ECPAS: variants seen among roughly 807,000 people sequenced by gnomAD.
ECPAS encodes Ecm29 proteasome adaptor and scaffold.
Under a neutral mutation model 255.1 loss-of-function variants are expected in ECPAS, and 70 were observed. The observed-to-expected ratio is 0.27, with a 90% CI of 0.23 to 0.33. The LOEUF (loss-of-function observed/expected upper bound fraction) is 0.33, where lower values mean the gene tolerates loss of function less well. Among genes scored for constraint, ECPAS ranks in the 10% least tolerant of loss-of-function variants. The probability of loss-of-function intolerance (pLI) is 1.00; values close to 1 mark genes in which losing one functional copy is unlikely to be tolerated. For missense variants in ECPAS, 1,817 were observed against 2,206.4 expected (o/e 0.82, Z 3.54); for synonymous variants, 784 against 775.0 (o/e 1.01, Z -0.19).
intron 2 of ECPAS, among the ~76,000 whole-genome samples, chr9:111,455,434 A>G (rs2098265672): frequency 6.6e-6 from 1 of 152,350 alleles, no homozygotes. Flanking sequence ...CAGTGAGCAG[A>G]TATCGTGCCA....
At chr9:111,384,469 G>T in intron 34 of ECPAS, 53 bp downstream of exon 34, 3 of 1,489,428 alleles carry the variant, frequency 2.0e-6, no homozygotes, top group Non-Finnish European at 1.9e-6. Flanking sequence ...TCATTGTCAT[G>T]GTCACCCAGA....
intron 3 of ECPAS, among the ~76,000 whole-genome samples, chr9:111,446,728 G>A (rs916634545): frequency 6.6e-6 from 1 of 152,160 alleles, no homozygotes; most frequent in Non-Finnish European, 1.5e-5. Context: ...TTACAGATGA[G>A]GAAGCAGAAG....
intron 3 of ECPAS, among the ~76,000 whole-genome samples, chr9:111,450,411 A>T (rs573022843): frequency 1.3e-5 from 2 of 152,284 alleles, no homozygotes; most frequent in African/African-American, 4.8e-5. Flanking sequence ...ATAAACATAA[A>T]AGACATTCCT....
At chr9:111,383,483 C>T (rs1470092178) in intron 34 of ECPAS, among the ~76,000 whole-genome samples, 151 bp from the exon 35 acceptor site, 1 of 152,160 alleles carries the variant, frequency 6.6e-6, no homozygotes, top group African/African-American at 2.4e-5. Context: ...GGAATGAGAT[C>T]GGAGATTGAG....
intron 2 of ECPAS, among the ~76,000 whole-genome samples, chr9:111,467,358 G>A (rs1326710969): frequency 6.6e-6 from 1 of 152,154 alleles, no homozygotes. Flanking sequence ...AAGGAATAGA[G>A]AAAGGATTCT....
At chr9:111,482,777 G>A (rs1335968989) in intron 1 of ECPAS, among the ~76,000 whole-genome samples, 2 of 149,852 alleles carry the variant, frequency 1.3e-5, no homozygotes, top group South Asian at 2.1e-4. Context: ...TGGGTCCGCG[G>A]CGCCCCGGAA....
At chr9:111,439,047 C>T (rs1469626105) in intron 6 of ECPAS, among the ~76,000 whole-genome samples, 2 of 152,132 alleles carry the variant, frequency 1.3e-5, no homozygotes, top group East Asian at 1.9e-4. Flanking sequence ...ATGCCAGAGA[C>T]CAAAGCTACA....
chr9:111,368,025 A>T (rs1243224736), intron 46 of ECPAS, among the ~76,000 whole-genome samples: 3 of 147,650 alleles, frequency 2.0e-5, no homozygotes, highest in African/African-American at 5.2e-5. Flanking sequence ...ACAAAGCAAG[A>T]CCCTGTCTCA....
intron 7 of ECPAS, among the ~76,000 whole-genome samples, chr9:111,434,896 CTTTTTTTTTT>C (rs3031129): frequency 2.2e-5 from 2 of 92,154 alleles, no homozygotes; most frequent in South Asian, 7.5e-4. Flanking sequence ...CCACATCTGG[CTTTTTTTTTT>C]TTTTTTTTTT....
At chr9:111,369,882 G>C (rs1462776404) in intron 45 of ECPAS, among the ~76,000 whole-genome samples, 1 of 152,106 alleles carries the variant, frequency 6.6e-6, no homozygotes, top group Non-Finnish European at 1.5e-5. Context: ...CTTTACTCTA[G>C]GATGGCTGGG....
In ECPAS at chr9:111,433,182, T is replaced by G. The variant is rs2098232619; in HGVS notation, c.848+51A>C. ...TAAACAAAAAATGTGTCAAGTAAGTTTTTAGAAATGTAGTCCTTTCAATCT... is the reference window on the plus strand; with the variant it reads ...TAAACAAAAAATGTGTCAAGTAAGTGTTTAGAAATGTAGTCCTTTCAATCT... On this transcript the variant is annotated intron_variant, in intron 8 of 49. Coordinates refer to ENST00000684092, the MANE Select transcript of ECPAS (RefSeq NM_001364929.1). 4 of 1,579,656 alleles carry G rather than the reference T, an allele frequency of 2.5e-6. No homozygotes were observed. In the East Asian group the frequency reaches 9.0e-5, roughly 36 times the overall value.
chr9:111,433,407 C>T (rs1300820896), intron 7 of ECPAS, 35 bp from the exon 8 acceptor site: 1 of 1,612,542 alleles, frequency 6.2e-7, no homozygotes, highest in Admixed American at 1.7e-5. Flanking sequence ...AAAGAACAGT[C>T]AGGGGAGCAA....
chr9:111,477,284 T>TA (rs1190378441), intron 1 of ECPAS, among the ~76,000 whole-genome samples: 4 of 151,444 alleles, frequency 2.6e-5, no homozygotes, highest in African/African-American at 4.9e-5. Context: ...AATTTTTTTG[T>TA]ATTTTTAGTA....
chr9:111,393,825 C>T, intron 26 of ECPAS, 91 bp from the exon 27 acceptor site: 2 of 962,852 alleles, frequency 2.1e-6, no homozygotes, highest in East Asian at 2.4e-5. Context: ...AATTTGTAGT[C>T]TTATTATCCA....
At chr9:111,435,631 G>A (rs908477511) in intron 7 of ECPAS, among the ~76,000 whole-genome samples, 6 of 151,932 alleles carry the variant, frequency 3.9e-5, no homozygotes, top group Middle Eastern at 3.5e-3. Flanking sequence ...TACCCGGTAC[G>A]GTGCCTGTCA....
intron 24 of ECPAS, among the ~76,000 whole-genome samples, chr9:111,404,274 T>G (rs962811649): frequency 3.3e-5 from 5 of 149,404 alleles, no homozygotes; most frequent in African/African-American, 7.6e-5. Context: ...AGAACAGAAG[T>G]AAATGAAATT....
intron 2 of ECPAS, among the ~76,000 whole-genome samples, chr9:111,466,109 T>A (rs10980904): frequency 6.6e-6 from 1 of 152,148 alleles, no homozygotes; most frequent in East Asian, 1.9e-4. Context: ...AAAAAATTTT[T>A]AATCACAGAA....
chr9:111,439,425 G>A (rs555803173), intron 6 of ECPAS, among the ~76,000 whole-genome samples: 2 of 151,996 alleles, frequency 1.3e-5, no homozygotes, highest in African/African-American at 4.8e-5. Flanking sequence ...CATGCCATGA[G>A]GGCTGACTAA....
intron 2 of ECPAS, among the ~76,000 whole-genome samples, chr9:111,463,963 T>C (rs2098276193): frequency 6.6e-6 from 1 of 152,264 alleles, no homozygotes; most frequent in Non-Finnish European, 1.5e-5. Context: ...AAACTGTTTA[T>C]CACCAGTCAG....
Sources: allele counts gnomAD v4.1 joint callset (sites outside exome capture counted in the v4.1 genomes callset), GRCh38; gene constraint gnomAD v4.1.1; transcripts MANE v1.5; gene names NCBI Gene and HGNC (gene_info 2026-07-23, HGNC 2026-07-21).